Variants in C12orf42 observed in about 807,000 individuals in gnomAD.
The protein encoded by C12orf42 is uncharacterized protein C12orf42.
C12orf42 carries 25 observed loss-of-function variants against 21.6 expected under a neutral mutation model. The ratio of observed to expected loss-of-function variants is 1.16; its 90% CI spans 0.84 to 1.62. The LOEUF is 1.62. Among genes scored for constraint, C12orf42 ranks in the 40% most tolerant of loss-of-function variants. The pLI, the probability that C12orf42 is intolerant of heterozygous loss-of-function variation, is 0.00. For missense variants in C12orf42, 483 were observed against 459.3 expected (o/e 1.05, Z -0.47); for synonymous variants, 174 against 175.0 (o/e 0.99, Z 0.05).
the C12orf42 span, among the ~76,000 whole-genome samples, chr12:103,166,101 A>G: frequency 0.014 from 2,016 of 146,546 alleles, 53 homozygotes; most frequent in African/African-American, 0.048. Flanking sequence ...AGGAAGGAAG[A>G]AACCACAAGA....
chr12:103,205,841 A>G, the C12orf42 span, among the ~76,000 whole-genome samples: 2 of 152,238 alleles, frequency 1.3e-5, no homozygotes, highest in African/African-American at 4.8e-5. Context: ...TAAAAATACA[A>G]TGTTGAGTAA....
chr12:103,441,066 C>T (rs1022765700), intron 2 of C12orf42, among the ~76,000 whole-genome samples: 7 of 152,132 alleles, frequency 4.6e-5, no homozygotes, highest in Non-Finnish European at 8.8e-5. Context: ...CTATGGCCAG[C>T]ATCATTTTTA....
chr12:103,408,130 C>T (rs1197287929), intron 2 of C12orf42, among the ~76,000 whole-genome samples: 2 of 152,194 alleles, frequency 1.3e-5, no homozygotes, highest in African/African-American at 4.8e-5. Flanking sequence ...GGTATAACAT[C>T]AAACTTACAT....
intron 6 of C12orf42, chr12:103,269,085 A>T (rs1018741707): frequency 6.6e-6 from 1 of 152,138 alleles, no homozygotes; most frequent in African/African-American, 2.4e-5. Flanking sequence ...TCTGATGACA[A>T]CTTCAGAGAT....
At chr12:103,283,368 T>C (rs1233249974) in intron 4 of C12orf42, among the ~76,000 whole-genome samples, 1 of 152,228 alleles carries the variant, frequency 6.6e-6, no homozygotes, top group Non-Finnish European at 1.5e-5. Context: ...TGCTTGTTTC[T>C]GCTTTAATCT....
At chr12:103,235,379 A>C (rs1264923119), downstream of C12orf42, among the ~76,000 whole-genome samples, 1 of 152,174 alleles carries the variant, frequency 6.6e-6, no homozygotes, top group Non-Finnish European at 1.5e-5. Flanking sequence ...TTGTTTTAGA[A>C]GTTTCTTTCC....
chr12:103,541,579 T>C, the C12orf42 span, among the ~76,000 whole-genome samples: 1 of 152,246 alleles, frequency 6.6e-6, no homozygotes, highest in South Asian at 2.1e-4. Flanking sequence ...TACTTGATCA[T>C]GTTAATTAAT....
intron 3 of C12orf42, among the ~76,000 whole-genome samples, chr12:103,383,871 T>C (rs1462761952): frequency 1.3e-5 from 2 of 152,240 alleles, no homozygotes; most frequent in Admixed American, 1.3e-4. Context: ...GCTATCATGA[T>C]TGGGCTAAAA....
At chr12:103,549,960 C>A in the C12orf42 span, among the ~76,000 whole-genome samples, 3 of 152,172 alleles carry the variant, frequency 2.0e-5, no homozygotes, top group African/African-American at 7.2e-5. Context: ...CTCTTTGAGT[C>A]TCAGTTTTTC....
chr12:103,400,000 A>G (rs2047862908), intron 3 of C12orf42, among the ~76,000 whole-genome samples: 1 of 152,194 alleles, frequency 6.6e-6, no homozygotes, highest in African/African-American at 2.4e-5. Flanking sequence ...GTCAATATAC[A>G]GTATATACTA....
At chr12:103,384,059 G>C (rs1462342529) in intron 3 of C12orf42, among the ~76,000 whole-genome samples, 1 of 152,090 alleles carries the variant, frequency 6.6e-6, no homozygotes, top group Non-Finnish European at 1.5e-5. Flanking sequence ...CGTTTTGAAT[G>C]GTATTCATAG....
chr12:103,090,148 G>A, the C12orf42 span, among the ~76,000 whole-genome samples: 8 of 152,298 alleles, frequency 5.3e-5, no homozygotes, highest in Admixed American at 1.3e-4. Context: ...CTTGTTTAGC[G>A]TGGTCTGATG....
intron 2 of C12orf42, among the ~76,000 whole-genome samples, chr12:103,472,426 TA>T: frequency 6.6e-6 from 1 of 152,312 alleles, no homozygotes; most frequent in East Asian, 1.9e-4. Flanking sequence ...GACTATTTAA[TA>T]AAAAGCCCTA....
At chr12:103,213,418 C>T in the C12orf42 span, among the ~76,000 whole-genome samples, 29 of 152,308 alleles carry the variant, frequency 1.9e-4, no homozygotes, top group African/African-American at 6.7e-4. Context: ...GATTAGGCAT[C>T]TCTCCCCAAA....
At position 103,396,556 on chromosome 12, in the gene C12orf42, G is replaced by A. The variant is rs923263325; in HGVS notation, c.147+5051C>T. 7 of 152,234 alleles carry A rather than the reference G, an allele frequency of 4.6e-5. No homozygotes were observed. The South Asian group carries it at 8.3e-4, about 18-fold the overall frequency. 9.4% of individuals were successfully genotyped at this position (152,234 alleles called of 1,614,324 possible). A position where few individuals can be genotyped will look rare whatever the true frequency, so the allele number is the denominator to read the frequency against. The stretch of plus-strand genomic sequence containing the variant: ...CTGTCTATAAGTATATGAGATATGG[G>A]CACTAAATTTTTTATCATTGCTAGA... On this transcript the variant is annotated intron_variant, in intron 3 of 5. Transcript: ENST00000548883.
intron 3 of C12orf42, among the ~76,000 whole-genome samples, chr12:103,377,519 G>A (rs1312297664): frequency 2.0e-5 from 3 of 152,078 alleles, no homozygotes; most frequent in Non-Finnish European, 4.4e-5. Context: ...TCTGGGTAGA[G>A]AGCAGGAGGA....
chr12:103,107,017 G>A, the C12orf42 span, among the ~76,000 whole-genome samples: 2 of 151,848 alleles, frequency 1.3e-5, no homozygotes, highest in Non-Finnish European at 2.9e-5. Context: ...AAGCCTTTAA[G>A]AGACAAAGAA....
At chr12:103,509,551 C>T in the C12orf42 span, among the ~76,000 whole-genome samples, 35 of 152,112 alleles carry the variant, frequency 2.3e-4, no homozygotes, top group Non-Finnish European at 4.6e-4. Context: ...ATTAATTTAA[C>T]ATCGATTCCA....
intron 2 of C12orf42, among the ~76,000 whole-genome samples, chr12:103,445,069 C>T (rs993502619): frequency 3.9e-5 from 6 of 152,054 alleles, no homozygotes; most frequent in African/African-American, 1.4e-4. Flanking sequence ...CATGTTGATA[C>T]TTCCTGTGTA....
Sources: gnomAD v4.1 joint callset for allele counts (sites outside exome capture counted in the v4.1 genomes callset) on GRCh38, gnomAD v4.1.1 for gene constraint, MANE v1.5 for transcripts, NCBI Gene and HGNC (gene_info 2026-07-23, HGNC 2026-07-21) for gene names.